CLVS1: variants seen among roughly 807,000 people sequenced by gnomAD.
CLVS1 encodes the protein clavesin 1.
A neutral mutation model predicts 33.1 loss-of-function variants in CLVS1; 10 were observed. The observed-to-expected ratio is 0.30, with a 90% CI of 0.19 to 0.51. CLVS1 has a LOEUF of 0.51. CLVS1 is among the 20% of genes least tolerant of loss of function. The pLI is 0.97. For missense variants in CLVS1, 343 were observed against 433.4 expected (o/e 0.79, Z 1.85); for synonymous variants, 163 against 166.1 (o/e 0.98, Z 0.14).
rs184768657 is a variant in CLVS1, at chr8:61,406,967, T to A, written c.630+30188T>A. 3.7e-4 allele frequency among the ~76,000 whole-genome samples: 56 copies of A among 152,302 alleles called. No homozygotes were observed. The East Asian group carries it at 6.0e-3, about 16-fold the overall frequency. The stretch of plus-strand genomic sequence containing the variant: ...TCAAAAATTCTCTGAAGGACAAGAT[T>A]CAGTAGTTTTAAGGATTTTACTAGG... On this transcript the variant is annotated intron_variant, in intron 3 of 5. Transcript: ENST00000325897.
intron 2 of CLVS1, among the ~76,000 whole-genome samples, chr8:61,278,987 C>T (rs1256515981): frequency 6.6e-6 from 1 of 152,202 alleles, no homozygotes; most frequent in Non-Finnish European, 1.5e-5. Flanking sequence ...TGCATAGAAC[C>T]GTTACCAGAG....
At chr8:61,484,461 G>A (rs200558783) in intron 5 of CLVS1, among the ~76,000 whole-genome samples, 9 of 152,088 alleles carry the variant, frequency 5.9e-5, no homozygotes, top group East Asian at 1.9e-4. Flanking sequence ...AACAAATGGA[G>A]GAACATTCCA....
intron 2 of CLVS1, among the ~76,000 whole-genome samples, chr8:61,138,803 G>C (rs1806244346): frequency 6.6e-6 from 1 of 152,334 alleles, no homozygotes; most frequent in East Asian, 1.9e-4. Flanking sequence ...CATGGGGAAA[G>C]GGTAGTTTGT....
the CLVS1 span, among the ~76,000 whole-genome samples, chr8:60,999,348 A>C: frequency 6.6e-6 from 1 of 152,222 alleles, no homozygotes; most frequent in Non-Finnish European, 1.5e-5. Flanking sequence ...AGAAATCAGA[A>C]TGAGAACATG....
At position 61,299,837 on chromosome 8, in the gene CLVS1, GTC is replaced by G. The variant is rs1471065523; in HGVS notation, c.16_17del (p.Leu6SerfsTer38). ...GCAGACCATCAGGTGAATGGGACCAGTCTCTCTTCTTCCAAAATATCAGAAGT... is the reference window on the plus strand; with the variant it reads ...GCAGACCATCAGGTGAATGGGACCAGTCTCTTCTTCCAAAATATCAGAAGT... MGP[V>X]SLLPKYQKLN... On this transcript the variant is annotated frameshift_variant, in exon 2 of 6. Coordinates refer to ENST00000325897, the MANE Select transcript of CLVS1 (RefSeq NM_173519.3). LOFTEE classifies it high-confidence loss of function. 2 of 1,609,394 alleles carry G rather than the reference GTC, an allele frequency of 1.2e-6. No homozygotes were observed. Among genetic ancestry groups the G allele is most frequent in the African/African-American group, 2.7e-5 (2 of 74,738 alleles).
intron 2 of CLVS1, among the ~76,000 whole-genome samples, chr8:61,282,188 A>C (rs1310743628): frequency 6.6e-6 from 1 of 152,244 alleles, no homozygotes; most frequent in African/African-American, 2.4e-5. Flanking sequence ...TGGTTCTAAG[A>C]AAGTTTGAAT....
chr8:61,173,043 A>G (rs1313578714), intron 2 of CLVS1, among the ~76,000 whole-genome samples: 1 of 152,176 alleles, frequency 6.6e-6, no homozygotes, highest in African/African-American at 2.4e-5. Context: ...GTTTTGTGGC[A>G]AACTAGGAAA....
At chr8:61,463,662 C>T (rs1817447217) in intron 5 of CLVS1, among the ~76,000 whole-genome samples, 1 of 152,148 alleles carries the variant, frequency 6.6e-6, no homozygotes, top group African/African-American at 2.4e-5. Flanking sequence ...CACCATTTAT[C>T]AATTAAGTAT....
chr8:61,270,219 A>G (rs958007165), intron 2 of CLVS1, among the ~76,000 whole-genome samples: 2 of 152,180 alleles, frequency 1.3e-5, no homozygotes, highest in African/African-American at 2.4e-5. Flanking sequence ...AGTTTTTAGC[A>G]TGAAGGGTTG....
chr8:61,298,030 T>C (rs1810282122), intron 1 of CLVS1, among the ~76,000 whole-genome samples: 1 of 152,172 alleles, frequency 6.6e-6, no homozygotes, highest in Non-Finnish European at 1.5e-5. Context: ...TAACACCTTG[T>C]AGTGCATAAG....
At position 61,172,028 on chromosome 8, in the gene CLVS1, A is replaced by G. The variant is rs376833062; in HGVS notation, c.-152+40168A>G. Among the ~76,000 whole-genome samples the G allele has an allele frequency of 9.9e-4, 151 of 152,130 alleles. 2 individuals are homozygous for G. In the South Asian group the frequency reaches 0.031, roughly 31 times the overall value. The stretch of plus-strand genomic sequence containing the variant: ...AATGAAAGGTCAAATTCACCTCCAA[A>G]CTCTTGCTAATCACATATTCCTCTG... On this transcript the variant is annotated intron_variant, in intron 2 of 2. Coordinates refer to the CLVS1 transcript ENST00000522621.
the CLVS1 span, among the ~76,000 whole-genome samples, chr8:61,034,682 A>C: frequency 2.6e-5 from 4 of 152,144 alleles, no homozygotes; most frequent in Non-Finnish European, 4.4e-5. Context: ...CTTCAGCACT[A>C]TTGCAAAAGC....
intron 2 of CLVS1, among the ~76,000 whole-genome samples, chr8:61,279,726 T>A (rs993572002): frequency 4.1e-4 from 62 of 152,352 alleles, no homozygotes; most frequent in African/African-American, 1.4e-3. Flanking sequence ...AAGTTGGATG[T>A]TTGATTGGCT....
rs371253748 is a variant in CLVS1, at chr8:61,479,355, T to A, written c.978-20100T>A. Among the ~76,000 whole-genome samples, 9 of 152,226 alleles carry A rather than the reference T, an allele frequency of 5.9e-5. No individual in the cohort carries two copies. The East Asian group carries it at 1.3e-3, about 23-fold the overall frequency. ...ATTTCATTTTTCATCGCTGATACCC[T>A]TTCTTCCAGTTGATCGCATCAGCTA... On this transcript the variant is annotated intron_variant, in intron 5 of 5. Transcript: ENST00000325897.
In CLVS1 at chr8:61,203,190, C is replaced by T. The variant is rs1380457194; in HGVS notation, c.-152+71330C>T. 1.3e-5 allele frequency: 14 copies of T among 1,114,042 alleles called. No individual in the cohort carries two copies. In the Admixed American group the frequency reaches 1.7e-4, roughly 13 times the overall value. 69.0% of individuals were successfully genotyped at this position (1,114,042 alleles called of 1,614,324 possible). ...TGCTTCCGGATGACTGACCAAGAGG[C>T]TATTCAAGATCTCTGGCAGTGGAGG... On this transcript the variant is annotated intron_variant, in intron 2 of 2. Transcript: ENST00000522621.
chr8:61,387,530 A>C (rs117082299), intron 3 of CLVS1, among the ~76,000 whole-genome samples: 1,421 of 133,520 alleles, frequency 0.011, 16 homozygotes, highest in Non-Finnish European at 0.016. Context: ...GTTTGGCTAC[A>C]TGAATAAGTT....
chr8:61,092,539 T>C (rs1805269107), intron 1 of CLVS1, among the ~76,000 whole-genome samples: 1 of 152,226 alleles, frequency 6.6e-6, no homozygotes, highest in South Asian at 2.1e-4. Context: ...TTGCAAAGTT[T>C]CCTTCTTCTC....
At chr8:61,314,011 C>G (rs1269955117) in intron 2 of CLVS1, among the ~76,000 whole-genome samples, 1 of 152,176 alleles carries the variant, frequency 6.6e-6, no homozygotes, top group Non-Finnish European at 1.5e-5. Flanking sequence ...GATGTGCAAG[C>G]AGATGACTCA....
At chr8:61,246,167 C>CTTTTTTTTTTTTTTTTTTTT (rs1188366643) in intron 2 of CLVS1, among the ~76,000 whole-genome samples, 2 of 82,240 alleles carry the variant, frequency 2.4e-5, no homozygotes, top group Non-Finnish European at 4.6e-5. Flanking sequence ...TCCTTCCCAA[C>CTTTTTTTTTTTTTTTTTTTT]TTTTTTTTTT....
Sources: gnomAD v4.1 joint callset for allele counts (sites outside exome capture counted in the v4.1 genomes callset) on GRCh38, gnomAD v4.1.1 for gene constraint, MANE v1.5 for transcripts, NCBI Gene and HGNC (gene_info 2026-07-23, HGNC 2026-07-21) for gene names.